The following TRPM3 variants were observed in gnomAD, a reference collection of about 807,000 sequenced individuals.
TRPM3 encodes transient receptor potential cation channel subfamily M member 3, also known as long transient receptor potential channel 3.
TRPM3 carries 77 observed loss-of-function variants against 181.2 expected under a neutral mutation model. The observed-to-expected ratio is 0.42, with a 90% CI of 0.35 to 0.51. The LOEUF is 0.51. Among genes scored for constraint, TRPM3 ranks in the 20% least tolerant of loss-of-function variants. The pLI, the probability that TRPM3 is intolerant of heterozygous loss-of-function variation, is 0.01. For missense variants in TRPM3, 1,759 were observed against 2,196.7 expected, an observed-to-expected ratio of 0.80 and a Z score of 3.98; for synonymous variants, 745 against 796.4, an observed-to-expected ratio of 0.94 and a Z score of 1.09.
rs1491098127 is a variant in TRPM3, at chr9:71,420,712, A to AG, written c.183+25940_183+25941insC. On this transcript the variant is annotated intron_variant, in intron 1 of 24. Coordinates refer to the TRPM3 transcript ENST00000357533. ...AAGGGAAAGAGAAAGAGAGAGAAAG[A>AG]AAGAGAGAAAGAGAGAGAGAGAGAA... Among the ~76,000 whole-genome samples, 55 of 112,150 alleles carry AG rather than the reference A, an allele frequency of 4.9e-4. 2 individuals are homozygous for AG. The highest frequency in any genetic ancestry group is 7.0e-4 in the Non-Finnish European group (36 of 51,460). The allele number at this position is 112,150 out of a possible 152,430, so 73.6% of individuals were successfully genotyped here. A position where few individuals can be genotyped will look rare whatever the true frequency, so the allele number is the denominator to read the frequency against.
At chr9:71,105,889 G>A (rs912918561) in intron 1 of TRPM3, among the ~76,000 whole-genome samples, 5 of 152,126 alleles carry the variant, frequency 3.3e-5, no homozygotes, top group Admixed American at 2.6e-4. Context: ...ACTGGAGAAG[G>A]TCATTAAAGA....
At chr9:71,247,466 A>G (rs938905454) in intron 1 of TRPM3, among the ~76,000 whole-genome samples, 1 of 152,122 alleles carries the variant, frequency 6.6e-6, no homozygotes, top group Non-Finnish European at 1.5e-5. Flanking sequence ...ATCAGTACAA[A>G]GTGCCTAGCC....
At chr9:70,754,217 A>T (rs1211945335) in intron 8 of TRPM3, among the ~76,000 whole-genome samples, 1 of 152,120 alleles carries the variant, frequency 6.6e-6, no homozygotes. Context: ...AATCAGCCTC[A>T]CTGTGTGCAT....
At chr9:70,837,710 C>T (rs1180058919) in intron 5 of TRPM3, among the ~76,000 whole-genome samples, 1 of 152,186 alleles carries the variant, frequency 6.6e-6, no homozygotes, top group Admixed American at 6.6e-5. Context: ...TGACTTTATA[C>T]TGGTGATACT....
At position 70,861,878 on chromosome 9, in the gene TRPM3, AG is replaced by A. The variant is rs370470706; in HGVS notation, c.462+1029del. On this transcript the variant is annotated intron_variant, in intron 3 of 25. Coordinates refer to ENST00000677713, the MANE Select transcript of TRPM3 (RefSeq NM_001366145.2). ...AGTTCAGAATTATATTTCATAGAAAAGAAGTGTTAAAATAGCTCAGTCAGCC... is the reference window on the plus strand; with the variant it reads ...AGTTCAGAATTATATTTCATAGAAAAAAGTGTTAAAATAGCTCAGTCAGCC... 1.4e-3 allele frequency among the ~76,000 whole-genome samples: 192 copies of A among 141,948 alleles called. 1 individual carries two copies. The highest frequency in any genetic ancestry group is 4.7e-3 in the African/African-American group (188 of 39,662). The allele number at this position is 141,948 out of a possible 152,430, so 93.1% of individuals were successfully genotyped here.
At chr9:70,924,658 T>C (rs1589817142) in intron 1 of TRPM3, among the ~76,000 whole-genome samples, 1 of 152,320 alleles carries the variant, frequency 6.6e-6, no homozygotes, top group East Asian at 1.9e-4. Context: ...GGCAGCATAT[T>C]AGAATACTCG....
intron 1 of TRPM3, among the ~76,000 whole-genome samples, chr9:71,032,148 T>TAC (rs1364412309): frequency 1.9e-5 from 2 of 106,342 alleles, no homozygotes; most frequent in Admixed American, 1.4e-4. Context: ...GGATTATATA[T>TAC]ACTATATATT....
intron 1 of TRPM3, among the ~76,000 whole-genome samples, chr9:70,999,906 C>T (rs1164365519): frequency 6.6e-6 from 1 of 152,170 alleles, no homozygotes; most frequent in African/African-American, 2.4e-5. Context: ...GGAAAGTGTG[C>T]TCTTTTTCTC....
intron 1 of TRPM3, among the ~76,000 whole-genome samples, chr9:71,339,762 G>T (rs1179009400): frequency 1.3e-5 from 2 of 152,088 alleles, no homozygotes; most frequent in East Asian, 3.8e-4. Flanking sequence ...TTGACTCTGA[G>T]GGGGTAGCAG....
chr9:71,221,614 G>A (rs1160635643), intron 1 of TRPM3, among the ~76,000 whole-genome samples: 2 of 152,124 alleles, frequency 1.3e-5, no homozygotes, highest in Non-Finnish European at 2.9e-5. Context: ...GTAGCTAATA[G>A]TGGCTCATTG....
intron 1 of TRPM3, among the ~76,000 whole-genome samples, chr9:71,229,792 G>T (rs771158912): frequency 6.6e-6 from 1 of 151,972 alleles, no homozygotes; most frequent in Non-Finnish European, 1.5e-5. Context: ...AATAAATGCT[G>T]GCTTGAATGT....
chr9:71,445,136 T>G (rs1019743494), intron 1 of TRPM3, among the ~76,000 whole-genome samples: 2 of 152,188 alleles, frequency 1.3e-5, no homozygotes, highest in Non-Finnish European at 2.9e-5. Context: ...TACTCTAACT[T>G]ATAACATAGT....
At chr9:71,130,972 TG>T (rs1265951485) in intron 1 of TRPM3, among the ~76,000 whole-genome samples, 1 of 152,224 alleles carries the variant, frequency 6.6e-6, no homozygotes. Context: ...GATGAGAGCA[TG>T]ATGTATTTAC....
intron 1 of TRPM3, among the ~76,000 whole-genome samples, chr9:71,152,003 G>T (rs947197769): frequency 7.9e-5 from 12 of 152,132 alleles, no homozygotes; most frequent in Non-Finnish European, 1.5e-5. Flanking sequence ...CAGAAAAGGT[G>T]TAAGAACCCT....
At chr9:70,619,889 T>A (rs1011095248) in intron 16 of TRPM3, among the ~76,000 whole-genome samples, 187 bp downstream of exon 16, 8 of 152,188 alleles carry the variant, frequency 5.3e-5, no homozygotes, top group African/African-American at 1.9e-4. Flanking sequence ...TGTTCCATGT[T>A]TCTGTAGGTA....
At chr9:71,322,435 T>C (rs563758966) in intron 1 of TRPM3, among the ~76,000 whole-genome samples, 2 of 152,284 alleles carry the variant, frequency 1.3e-5, no homozygotes, top group South Asian at 2.1e-4. Context: ...AGCATCTTTA[T>C]ATCTAACTAG....
At chr9:71,215,021 C>T (rs1405178271) in intron 1 of TRPM3, among the ~76,000 whole-genome samples, 2 of 118,690 alleles carry the variant, frequency 1.7e-5, no homozygotes, top group East Asian at 2.5e-4. Context: ...TTCACTCTGC[C>T]TCACCAAAAA....
At chr9:70,550,397 A>G (rs1174854043) in intron 24 of TRPM3, among the ~76,000 whole-genome samples, 1 of 152,248 alleles carries the variant, frequency 6.6e-6, no homozygotes, top group Admixed American at 6.5e-5. Flanking sequence ...CCTAAAAAAT[A>G]GAAGGAATCT....
At chr9:70,871,362 CG>C (rs2095786795) in intron 1 of TRPM3, among the ~76,000 whole-genome samples, 1 of 151,860 alleles carries the variant, frequency 6.6e-6, no homozygotes, top group African/African-American at 2.4e-5. Flanking sequence ...TACATGTATA[CG>C]GAGTCTTTAA....
Sources: allele counts gnomAD v4.1 joint callset (sites outside exome capture counted in the v4.1 genomes callset), GRCh38; gene constraint gnomAD v4.1.1; transcripts MANE v1.5; gene names NCBI Gene and HGNC (gene_info 2026-07-23, HGNC 2026-07-21).